Variants in CEP128 observed in about 807,000 individuals in gnomAD.
CEP128 encodes centrosomal protein 128.
A neutral mutation model predicts 156.7 loss-of-function variants in CEP128; 132 were observed. The observed-to-expected ratio is 0.84, with a 90% CI of 0.73 to 0.97. The LOEUF is 0.97. CEP128 is among the 50% of genes least tolerant of loss of function. CEP128 has a pLI of 0.00. For synonymous variants in CEP128, 469 were observed against 448.9 expected, an observed-to-expected ratio of 1.04 and a Z score of -0.57; for missense variants, 1,252 against 1,281.9, an observed-to-expected ratio of 0.98 and a Z score of 0.36.
At chr14:80,682,252 TA>T (rs1216812460) in intron 19 of CEP128, among the ~76,000 whole-genome samples, 1 of 152,120 alleles carries the variant, frequency 6.6e-6, no homozygotes, top group Non-Finnish European at 1.5e-5. Context: ...ATAAGCATCT[TA>T]AAAAACAATC....
chr14:80,907,292 C>T (rs888401497), intron 4 of CEP128, among the ~76,000 whole-genome samples: 47 of 152,030 alleles, frequency 3.1e-4, no homozygotes, highest in African/African-American at 1.1e-3. Context: ...AGAGGGGTTT[C>T]CACACCCCTC....
chr14:80,747,612 G>C (rs1899169970), intron 18 of CEP128, among the ~76,000 whole-genome samples: 1 of 152,166 alleles, frequency 6.6e-6, no homozygotes, highest in South Asian at 2.1e-4. Flanking sequence ...TTCGAGACCA[G>C]CCTGACCAAC....
chr14:80,940,439 C>A (rs115620576), intron 1 of CEP128, among the ~76,000 whole-genome samples: 1 of 152,336 alleles, frequency 6.6e-6, no homozygotes, highest in East Asian at 1.9e-4. Flanking sequence ...GGCTACTGAG[C>A]TCTAGCTCTT....
intron 19 of CEP128, among the ~76,000 whole-genome samples, chr14:80,735,911 A>G (rs1481660030): frequency 6.6e-6 from 1 of 152,082 alleles, no homozygotes; most frequent in African/African-American, 2.4e-5. Flanking sequence ...ACTTTTAAGG[A>G]CCACGTGATT....
chr14:80,611,552 G>A (rs1218271781), intron 19 of CEP128, among the ~76,000 whole-genome samples: 4 of 152,194 alleles, frequency 2.6e-5, no homozygotes, highest in South Asian at 2.1e-4. Context: ...AAAAGGATAG[G>A]AGGGAACTCT....
intron 9 of CEP128, among the ~76,000 whole-genome samples, chr14:80,850,612 C>G (rs929375936): frequency 6.6e-6 from 1 of 152,150 alleles, no homozygotes; most frequent in African/African-American, 2.4e-5. Flanking sequence ...TTTGCAGTAT[C>G]CCAAAAGAAA....
At chr14:80,597,514 T>A (rs936168436) in intron 19 of CEP128, among the ~76,000 whole-genome samples, 1 of 152,026 alleles carries the variant, frequency 6.6e-6, no homozygotes, top group Non-Finnish European at 1.5e-5. Flanking sequence ...TTGGTACCAG[T>A]TTATACAATT....
chr14:80,578,686 A>G (rs1028768261), intron 20 of CEP128, among the ~76,000 whole-genome samples: 2 of 152,196 alleles, frequency 1.3e-5, no homozygotes, highest in African/African-American at 4.8e-5. Flanking sequence ...TATTCTTCAA[A>G]CTATCACCTC....
chr14:80,734,665 T>C (rs1898441020), intron 19 of CEP128, among the ~76,000 whole-genome samples: 1 of 151,606 alleles, frequency 6.6e-6, no homozygotes, highest in African/African-American at 2.4e-5. Context: ...CTGGCCAACA[T>C]GGTAAAACCC....
chr14:80,702,364 G>C (rs1401139548), intron 19 of CEP128, among the ~76,000 whole-genome samples: 1 of 152,080 alleles, frequency 6.6e-6, no homozygotes, highest in Non-Finnish European at 1.5e-5. Flanking sequence ...ACATCCATTT[G>C]CCCTTGACAT....
At position 80,831,178 on chromosome 14, in the gene CEP128, C is replaced by G; in HGVS notation, c.1174G>C (p.Asp392His). The change falls in exon 13 of 25, where the codon GAC (aspartate) becomes CAC (histidine). Residue 392 changes from aspartate to histidine, a missense_variant. Asp to His is a moderately conservative substitution (Grantham distance 81). Coordinates refer to ENST00000555265, the MANE Select transcript of CEP128 (RefSeq NM_152446.5). Reference sequence around the variant, plus strand: ...GATGCCAAATGTGCTTTCTCCTTGTCTTTTCTCTCCATGCACCGTTTCACT... The same window carrying G: ...GATGCCAAATGTGCTTTCTCCTTGTGTTTTCTCTCCATGCACCGTTTCACT... ...EEVKRCMERK[D>H]KEKAHLASQV... 6.2e-7 allele frequency: 1 copy of G among 1,614,016 alleles called. No homozygotes were observed. Among genetic ancestry groups the G allele is most frequent in the Non-Finnish European group, 8.5e-7 (1 of 1,179,920 alleles).
At chr14:80,504,026 T>C (rs1407915636) in intron 24 of CEP128, among the ~76,000 whole-genome samples, 1 of 152,170 alleles carries the variant, frequency 6.6e-6, no homozygotes, top group East Asian at 1.9e-4. Flanking sequence ...CTATATTAAA[T>C]GACAGAATTA....
At chr14:80,943,839 C>A (rs138223460), upstream of CEP128, among the ~76,000 whole-genome samples, 311 of 152,086 alleles carry the variant, frequency 2.0e-3, 2 homozygotes, top group African/African-American at 7.3e-3. Flanking sequence ...ACTAAAAATA[C>A]AAAAATTAAC....
At chr14:80,875,002 G>A (rs569729178) in intron 8 of CEP128, among the ~76,000 whole-genome samples, 37 of 152,298 alleles carry the variant, frequency 2.4e-4, no homozygotes, top group African/African-American at 8.4e-4. Context: ...GAAAACCGGA[G>A]AGAATGGTCT....
intron 19 of CEP128, among the ~76,000 whole-genome samples, chr14:80,604,120 T>A (rs1183427181): frequency 6.6e-6 from 1 of 152,178 alleles, no homozygotes; most frequent in Non-Finnish European, 1.5e-5. Flanking sequence ...TATAACAGCA[T>A]CCTGTTGGTG....
At position 80,540,348 on chromosome 14, in the gene CEP128, C is replaced by T. The variant is rs1889698192; in HGVS notation, c.2881-9462G>A. On this transcript the variant is annotated intron_variant, in intron 21 of 24. Coordinates refer to ENST00000555265, the MANE Select transcript of CEP128 (RefSeq NM_152446.5). ...CTCTCTTTATTTCTCAGCCAGCTGA[C>T]ACTTACGGAAAATAGAAAGAACCTA... is the stretch of plus-strand genomic sequence containing the variant. Among the ~76,000 whole-genome samples, 3 of 152,284 alleles carry T rather than the reference C, an allele frequency of 2.0e-5. No homozygotes were observed. In the South Asian group the frequency reaches 6.2e-4, roughly 32 times the overall value.
rs528358365 is a variant in CEP128 at position 80,660,354 on chromosome 14, GTATTA to G, written c.2807-79936_2807-79932del. ...TATGTTAAAATATTTTTTGCTTATTGTATTATGAGTTCTGAGATATAAATGCCATA... is the reference window on the plus strand; with the variant it reads ...TATGTTAAAATATTTTTTGCTTATTGTGAGTTCTGAGATATAAATGCCATA... On this transcript the variant is annotated intron_variant, in intron 19 of 24. Transcript: ENST00000555265. Among the ~76,000 whole-genome samples the G allele has an allele frequency of 3.4e-4, 52 of 152,174 alleles. 1 individual carries two copies. The South Asian group carries it at 0.01, about 30-fold the overall frequency.
chr14:80,623,409 T>C (rs1348350383), intron 19 of CEP128, among the ~76,000 whole-genome samples: 2 of 151,760 alleles, frequency 1.3e-5, no homozygotes, highest in Non-Finnish European at 2.9e-5. Context: ...TGTATACATA[T>C]GTAACTAACC....
At chr14:80,529,077 C>A (rs558212954) in intron 22 of CEP128, among the ~76,000 whole-genome samples, 1 of 152,132 alleles carries the variant, frequency 6.6e-6, no homozygotes, top group African/African-American at 2.4e-5. Context: ...AGAATTAGAT[C>A]CCACCTCCAG....
Sources: allele counts gnomAD v4.1 joint callset (sites outside exome capture counted in the v4.1 genomes callset), GRCh38; gene constraint gnomAD v4.1.1; transcripts MANE v1.5; gene names NCBI Gene and HGNC (gene_info 2026-07-23, HGNC 2026-07-21).